The following AGBL1 variants were observed in gnomAD, a reference collection of about 807,000 sequenced individuals.
The protein encoded by AGBL1 is cytosolic carboxypeptidase 4.
AGBL1 carries 130 observed loss-of-function variants against 118.9 expected under a neutral mutation model. That is an observed-to-expected ratio of 1.09 (90% CI 0.95 to 1.26). AGBL1 has a LOEUF of 1.26. AGBL1 is among the 50% of genes most tolerant of loss of function. The probability of loss-of-function intolerance (pLI) is 0.00; values close to 1 mark genes in which losing one functional copy is unlikely to be tolerated. For missense variants in AGBL1, 1,584 were observed against 1,298.1 expected (o/e 1.22, Z -3.38); for synonymous variants, 555 against 478.9 (o/e 1.16, Z -2.08).
intron 22 of AGBL1, among the ~76,000 whole-genome samples, chr15:86,705,302 C>T (rs955519718): frequency 6.6e-6 from 1 of 152,066 alleles, no homozygotes; most frequent in Admixed American, 6.6e-5. Flanking sequence ...TGAAACAAAA[C>T]AAAACAAAAC....
chr15:87,008,145 A>T (rs2081522989), intron 24 of AGBL1, among the ~76,000 whole-genome samples: 1 of 152,176 alleles, frequency 6.6e-6, no homozygotes, highest in Non-Finnish European at 1.5e-5. Context: ...AGAGATTGGC[A>T]TTTGAATTAG....
chr15:86,962,160 A>G (rs1420832536), intron 23 of AGBL1, among the ~76,000 whole-genome samples: 2 of 152,172 alleles, frequency 1.3e-5, no homozygotes, highest in African/African-American at 4.8e-5. Flanking sequence ...TTGAAAAGAA[A>G]GACAAGTTGC....
At chr15:86,801,728 G>A (rs894298396) in intron 22 of AGBL1, among the ~76,000 whole-genome samples, 8 of 152,084 alleles carry the variant, frequency 5.3e-5, no homozygotes, top group Non-Finnish European at 1.2e-4. Context: ...AGATTTAGAT[G>A]CTACCAGTAC....
chr15:86,901,249 C>T (rs1383911474), intron 22 of AGBL1, among the ~76,000 whole-genome samples: 1 of 151,898 alleles, frequency 6.6e-6, no homozygotes, highest in Admixed American at 6.6e-5. Flanking sequence ...AGTTCAATTG[C>T]CTTTGGTGTC....
intron 6 of AGBL1, among the ~76,000 whole-genome samples, chr15:86,239,824 G>T (rs1802944343): frequency 6.6e-6 from 1 of 152,136 alleles, no homozygotes; most frequent in South Asian, 2.1e-4. Flanking sequence ...TTAGTGGTAA[G>T]AACTAAAAGT....
intron 22 of AGBL1, among the ~76,000 whole-genome samples, chr15:86,789,328 T>C (rs543481990): frequency 9.8e-5 from 15 of 152,290 alleles, no homozygotes; most frequent in African/African-American, 3.1e-4. Context: ...GGATTATCAA[T>C]TGGAGTTAAG....
intron 22 of AGBL1, among the ~76,000 whole-genome samples, chr15:86,714,897 T>A (rs2086614930): frequency 6.6e-6 from 1 of 152,150 alleles, no homozygotes; most frequent in African/African-American, 2.4e-5. Flanking sequence ...AGGCATGCAA[T>A]CAGTCTGCAC....
At chr15:86,442,529 A>G (rs1387992857) in intron 18 of AGBL1, among the ~76,000 whole-genome samples, 1 of 152,208 alleles carries the variant, frequency 6.6e-6, no homozygotes, top group Non-Finnish European at 1.5e-5. Flanking sequence ...TAATAACGAT[A>G]ACAGTCCTAA....
At chr15:86,184,700 G>A (rs955014127) in intron 5 of AGBL1, among the ~76,000 whole-genome samples, 4 of 151,978 alleles carry the variant, frequency 2.6e-5, no homozygotes, top group Non-Finnish European at 5.9e-5. Flanking sequence ...CTTGAAAATG[G>A]CCATACTGCC....
chr15:86,709,308 G>C (rs563760162), intron 22 of AGBL1, among the ~76,000 whole-genome samples: 95 of 150,734 alleles, frequency 6.3e-4, no homozygotes, highest in African/African-American at 3.4e-4. Flanking sequence ...TGGGTTGTGT[G>C]TTATTTCCTA....
chr15:86,533,987 A>T (rs2083386316), intron 19 of AGBL1, among the ~76,000 whole-genome samples: 1 of 113,604 alleles, frequency 8.8e-6, no homozygotes, highest in African/African-American at 3.5e-5. Flanking sequence ...GGGGAGGGGT[A>T]GCATTGGGAG....
In AGBL1 at chr15:86,166,869, C is replaced by G. The variant is rs138717617; in HGVS notation, c.488+7843C>G. On this transcript the variant is annotated intron_variant, in intron 5 of 22. Transcript: ENST00000614907. ...CTTGGTCCTTCATATCCTGGGGAGG[C>G]CTTACATGCACCACTTTCCCCTGAT... 7.1e-3 allele frequency among the ~76,000 whole-genome samples: 1,086 copies of G among 152,262 alleles called. 15 individuals are homozygous for G. Among genetic ancestry groups the G allele is most frequent in the African/African-American group, 0.024 (982 of 41,540 alleles).
rs1294273104 is a variant in AGBL1 at position 86,107,586 on chromosome 15, C to T, written c.51+27563C>T. The T allele has an allele frequency of 3.9e-5, 6 of 152,296 alleles. No homozygotes were observed. In the East Asian group the frequency reaches 7.7e-4, roughly 20 times the overall value. The allele number at this position is 152,296 out of a possible 1,614,324, so 9.4% of individuals were successfully genotyped here. A position where few individuals can be genotyped will look rare whatever the true frequency, so the allele number is the denominator to read the frequency against. On this transcript the variant is annotated intron_variant, in intron 1 of 22. Transcript: ENST00000614907. Reference sequence around the variant, plus strand: ...GCAATGTCAAATCTCTCCATTCTACCAAAATGTTGAGCTTTTCAGAATCAC... The same window carrying T: ...GCAATGTCAAATCTCTCCATTCTACTAAAATGTTGAGCTTTTCAGAATCAC...
intron 22 of AGBL1, among the ~76,000 whole-genome samples, chr15:86,718,215 G>A (rs2086666158): frequency 6.6e-6 from 1 of 152,146 alleles, no homozygotes; most frequent in African/African-American, 2.4e-5. Context: ...AAACCATCCT[G>A]TGTTGAGTTC....
chr15:86,657,502 T>A (rs1051257957), intron 21 of AGBL1, among the ~76,000 whole-genome samples: 1 of 152,144 alleles, frequency 6.6e-6, no homozygotes, highest in African/African-American at 2.4e-5. Context: ...TGTACACATA[T>A]TGACTGGAGG....
chr15:86,271,759 A>T, intron 15 of AGBL1, 53 bp downstream of exon 15: 1 of 1,488,814 alleles, frequency 6.7e-7, no homozygotes, highest in East Asian at 2.3e-5. Flanking sequence ...TTTTCTCTCA[A>T]TTTCCCACTT....
intron 22 of AGBL1, among the ~76,000 whole-genome samples, chr15:86,883,648 G>GAA (rs1266137646): frequency 2.0e-5 from 3 of 152,056 alleles, no homozygotes; most frequent in African/African-American, 7.2e-5. Context: ...TCCACTCCTA[G>GAA]GCTCTTTTCT....
intron 7 of AGBL1, among the ~76,000 whole-genome samples, chr15:86,251,388 G>T (rs563722699): frequency 1.4e-4 from 22 of 152,256 alleles, no homozygotes; most frequent in African/African-American, 5.1e-4. Context: ...ACTCAGTAGG[G>T]CTCTGGTGGG....
intron 22 of AGBL1, among the ~76,000 whole-genome samples, chr15:86,699,957 A>G (rs2086327895): frequency 6.6e-6 from 1 of 152,106 alleles, no homozygotes; most frequent in Non-Finnish European, 1.5e-5. Context: ...TATGGTGAAT[A>G]AACGCCAAAT....
Sources: allele counts gnomAD v4.1 joint callset (sites outside exome capture counted in the v4.1 genomes callset), GRCh38; gene constraint gnomAD v4.1.1; transcripts MANE v1.5; gene names NCBI Gene and HGNC (gene_info 2026-07-23, HGNC 2026-07-21).